Variants in IGF1 observed in about 807,000 individuals in gnomAD.
The protein encoded by IGF1 is insulin-like growth factor 1.
IGF1 carries 4 observed loss-of-function variants against 13.8 expected under a neutral mutation model. The observed-to-expected ratio is 0.29, with a 90% CI of 0.14 to 0.66. The LOEUF (loss-of-function observed/expected upper bound fraction) is 0.66, where lower values mean the gene tolerates loss of function less well. Among genes scored for constraint, IGF1 ranks in the 30% least tolerant of loss-of-function variants. IGF1 has a pLI of 0.78. For synonymous variants in IGF1, 76 were observed against 72.6 expected, an observed-to-expected ratio of 1.05 and a Z score of -0.23; for missense variants, 124 against 188.5, an observed-to-expected ratio of 0.66 and a Z score of 2.00.
At chr12:102,443,816 T>TTTTA (rs1309305286) in intron 2 of IGF1, among the ~76,000 whole-genome samples, 16 of 152,012 alleles carry the variant, frequency 1.1e-4, no homozygotes, top group East Asian at 7.7e-4. Flanking sequence ...AACTTTTTAT[T>TTTTA]TTTATTTATT....
chr12:102,413,556 G>C (rs1196062526), intron 3 of IGF1, among the ~76,000 whole-genome samples: 1 of 152,152 alleles, frequency 6.6e-6, no homozygotes, highest in Non-Finnish European at 1.5e-5. Flanking sequence ...TTGTTTTCAA[G>C]AGATGTTTGA....
rs149608304 is a variant in IGF1 at position 102,413,707 on chromosome 12, C to T, written c.402+5802G>A. On this transcript the variant is annotated intron_variant, in intron 3 of 3. Coordinates refer to ENST00000337514, the MANE Select transcript of IGF1 (RefSeq NM_000618.5). Reference sequence around the variant, plus strand: ...CTTAAGACTACCAATAACTGGAGTTCATACTACAATTAAATTTTCCCCAGG... The same window carrying T: ...CTTAAGACTACCAATAACTGGAGTTTATACTACAATTAAATTTTCCCCAGG... 1.2e-4 allele frequency among the ~76,000 whole-genome samples: 18 copies of T among 152,244 alleles called. No homozygotes were observed. In the East Asian group the frequency reaches 3.5e-3, roughly 29 times the overall value.
At chr12:102,427,259 C>G (rs1356898478) in intron 2 of IGF1, among the ~76,000 whole-genome samples, 3 of 152,012 alleles carry the variant, frequency 2.0e-5, no homozygotes, top group African/African-American at 7.2e-5. Flanking sequence ...CTGGCTCCAG[C>G]TTGGAGATTG....
intron 2 of IGF1, among the ~76,000 whole-genome samples, chr12:102,472,668 C>T (rs1357371996): frequency 6.6e-6 from 1 of 152,112 alleles, no homozygotes; most frequent in African/African-American, 2.4e-5. Context: ...AAGAATGCTT[C>T]CCTCTAAAAA....
At chr12:102,429,948 G>A (rs5742664) in intron 2 of IGF1, among the ~76,000 whole-genome samples, 71 of 152,294 alleles carry the variant, frequency 4.7e-4, no homozygotes, top group Non-Finnish European at 7.2e-4. Flanking sequence ...TACAGAATTA[G>A]TTGGCCTCCT....
intron 3 of IGF1, among the ~76,000 whole-genome samples, chr12:102,403,482 G>C (rs1162981587): frequency 6.6e-6 from 1 of 151,170 alleles, no homozygotes; most frequent in Admixed American, 6.6e-5. Context: ...TTTTGGACAG[G>C]GTCTCACTCT....
intron 2 of IGF1, among the ~76,000 whole-genome samples, chr12:102,455,240 A>G (rs1879290899): frequency 6.6e-6 from 1 of 152,238 alleles, no homozygotes; most frequent in Non-Finnish European, 1.5e-5. Context: ...AGTTGAATGC[A>G]CAGCAAGTGC....
chr12:102,419,784 C>T (rs1414484731), intron 2 of IGF1, 94 bp from the exon 3 acceptor site: 2 of 1,206,044 alleles, frequency 1.7e-6, no homozygotes, highest in African/African-American at 1.5e-5. Flanking sequence ...AGCTAGTCAA[C>T]CTACATATTC....
intron 2 of IGF1, among the ~76,000 whole-genome samples, chr12:102,427,477 A>G (rs1876312296): frequency 6.6e-6 from 1 of 152,106 alleles, no homozygotes; most frequent in Non-Finnish European, 1.5e-5. Context: ...AAAGTCTTTC[A>G]TTTCTTTTTT....
At chr12:102,480,915 G>T (rs544559586), upstream of IGF1, among the ~76,000 whole-genome samples, 44 of 152,242 alleles carry the variant, frequency 2.9e-4, 1 homozygote, top group South Asian at 9.1e-3. Context: ...TATGGGGGAT[G>T]GGAGAGCAAT....
At chr12:102,462,945 A>C (rs1368551348) in intron 2 of IGF1, 1 of 152,226 alleles carries the variant, frequency 6.6e-6, no homozygotes. Flanking sequence ...AAATGGTTTC[A>C]ATATGATCCT....
chr12:102,451,135 T>G (rs142428981), intron 2 of IGF1, among the ~76,000 whole-genome samples: 1 of 152,326 alleles, frequency 6.6e-6, no homozygotes, highest in Non-Finnish European at 1.5e-5. Context: ...TCAAGAATGG[T>G]TCTGCACACC....
chr12:102,466,077 TC>T (rs1228411831), intron 2 of IGF1, among the ~76,000 whole-genome samples: 2 of 152,194 alleles, frequency 1.3e-5, no homozygotes, highest in Non-Finnish European at 2.9e-5. Context: ...TGCCTGCCCT[TC>T]CTTCTCTTAC....
chr12:102,476,997 C>T (rs900533319), intron 1 of IGF1, among the ~76,000 whole-genome samples: 3 of 152,082 alleles, frequency 2.0e-5, no homozygotes, highest in Non-Finnish European at 4.4e-5. Flanking sequence ...TGGGAAGAGT[C>T]CCTGACAGGG....
At chr12:102,423,432 A>G (rs1355186681) in intron 2 of IGF1, among the ~76,000 whole-genome samples, 1 of 152,176 alleles carries the variant, frequency 6.6e-6, no homozygotes, top group African/African-American at 2.4e-5. Flanking sequence ...TCTTGCTGAC[A>G]AAGTCTTGAC....
At chr12:102,481,109 C>A (rs888314457), upstream of IGF1, among the ~76,000 whole-genome samples, 2 of 152,142 alleles carry the variant, frequency 1.3e-5, no homozygotes, top group Non-Finnish European at 1.5e-5. Flanking sequence ...TTTCCTAGAA[C>A]CTATGGAGGG....
intron 2 of IGF1, among the ~76,000 whole-genome samples, chr12:102,420,723 G>A (rs2137006338): frequency 6.6e-6 from 1 of 152,294 alleles, no homozygotes; most frequent in Admixed American, 6.5e-5. Flanking sequence ...ATGTGATTCT[G>A]TTCTAGCTCA....
rs1339926379 is a variant in IGF1, at chr12:102,417,618, G to T, written c.402+1891C>A. ...ACTGTCTTTCTTTGCGCTTTCTAGG[G>T]CATTACATTTTTCTTTTCCGTTTTC... is the stretch of plus-strand genomic sequence containing the variant. On this transcript the variant is annotated intron_variant, in intron 3 of 3. Coordinates refer to ENST00000337514, the MANE Select transcript of IGF1 (RefSeq NM_000618.5). 23 of 1,337,862 alleles carry T rather than the reference G, an allele frequency of 1.7e-5. No homozygotes were observed. The African/African-American group carries it at 3.2e-4, about 19-fold the overall frequency. The allele number at this position is 1,337,862 out of a possible 1,614,324, so 82.9% of individuals were successfully genotyped here.
At chr12:102,435,494 G>T (rs1877149841) in intron 2 of IGF1, among the ~76,000 whole-genome samples, 1 of 152,170 alleles carries the variant, frequency 6.6e-6, no homozygotes, top group African/African-American at 2.4e-5. Flanking sequence ...TCCAGAGAGT[G>T]CCTGGCAGTT....
Sources: allele counts gnomAD v4.1 joint callset (sites outside exome capture counted in the v4.1 genomes callset), GRCh38; gene constraint gnomAD v4.1.1; transcripts MANE v1.5; gene names NCBI Gene and HGNC (gene_info 2026-07-23, HGNC 2026-07-21).